Variants in SPATC1L observed in about 807,000 individuals in gnomAD.
The protein encoded by SPATC1L is spermatogenesis and centriole associated 1 like.
Under a neutral mutation model 21.2 loss-of-function variants are expected in SPATC1L, and 20 were observed. That is an observed-to-expected ratio of 0.94 (90% CI 0.66 to 1.37). SPATC1L has a LOEUF of 1.37. Among genes scored for constraint, SPATC1L ranks in the 40% most tolerant of loss-of-function variants. The pLI, the probability that SPATC1L is intolerant of heterozygous loss-of-function variation, is 0.00. For missense variants in SPATC1L, 499 were observed against 478.7 expected (o/e 1.04, Z -0.40); for synonymous variants, 290 against 234.5 (o/e 1.24, Z -2.16).
At chr21:46,163,739 G>GT (rs1450778638) in intron 3 of SPATC1L, among the ~76,000 whole-genome samples, 1 of 152,144 alleles carries the variant, frequency 6.6e-6, no homozygotes, top group African/African-American at 2.4e-5. Flanking sequence ...TTAACTGTAA[G>GT]TTTTATAGTC....
intron 4 of SPATC1L, 62 bp from the exon 5 acceptor site, chr21:46,161,767 GC>G: frequency 6.7e-7 from 1 of 1,492,276 alleles, no homozygotes; most frequent in Non-Finnish European, 8.9e-7. Context: ...GGACTTCCAG[GC>G]CCAGGGCCGA....
intron 2 of SPATC1L, among the ~76,000 whole-genome samples, chr21:46,171,962 AC>A (rs1346570183): frequency 0.011 from 1,373 of 127,478 alleles, 33 homozygotes; most frequent in South Asian, 0.054. Context: ...AAAAAAAAAA[AC>A]CATGGCCAGG....
chr21:46,180,738 G>A (rs911212722), intron 2 of SPATC1L, among the ~76,000 whole-genome samples: 4 of 152,228 alleles, frequency 2.6e-5, no homozygotes, highest in Non-Finnish European at 5.9e-5. Flanking sequence ...TCAAGTGGCA[G>A]AGTTTAGAGG....
At chr21:46,180,253 C>T (rs1008357087) in intron 2 of SPATC1L, among the ~76,000 whole-genome samples, 5 of 152,122 alleles carry the variant, frequency 3.3e-5, no homozygotes, top group African/African-American at 4.8e-5. Flanking sequence ...CGAAATGGAT[C>T]GTTAAGGGGG....
chr21:46,172,700 G>C (rs2079602993), intron 2 of SPATC1L, among the ~76,000 whole-genome samples: 1 of 152,194 alleles, frequency 6.6e-6, no homozygotes. Flanking sequence ...TGGAAGGGCG[G>C]GATGGCCGGC....
chr21:46,166,543 C>T (rs577892226), intron 3 of SPATC1L, among the ~76,000 whole-genome samples: 8 of 151,366 alleles, frequency 5.3e-5, no homozygotes, highest in South Asian at 2.1e-4. Flanking sequence ...AAACACACGT[C>T]GCCTATAAAG....
At position 46,168,602 on chromosome 21, in the gene SPATC1L, A is replaced by C; in HGVS notation, c.250T>G (p.Ser84Ala). 1 of 1,422,556 alleles carries C rather than the reference A, an allele frequency of 7.0e-7. No individual in the cohort carries two copies. 88.1% of individuals were successfully genotyped at this position (1,422,556 alleles called of 1,614,324 possible). The change falls in exon 3 of 5, where the codon TCC (serine) becomes GCC (alanine). Residue 84 changes from serine to alanine, a missense_variant. Transcript: ENST00000291672. ...VADTPSQLQTSSLEDLLCSHA... is the reference protein window; with the variant it reads ...VADTPSQLQTASLEDLLCSHA... Reference sequence around the variant, plus strand: ...GAGCACAGCAGGTCCTCCAGGGAGGATGTCTGCAGTTGGGAGGGCGTGTCG... The same window carrying C: ...GAGCACAGCAGGTCCTCCAGGGAGGCTGTCTGCAGTTGGGAGGGCGTGTCG...
At chr21:46,164,869 C>T (rs1325443631) in intron 3 of SPATC1L, among the ~76,000 whole-genome samples, 2 of 151,510 alleles carry the variant, frequency 1.3e-5, no homozygotes, top group East Asian at 3.9e-4. Flanking sequence ...GAAGAAACAT[C>T]CTATAGAAGA....
chr21:46,168,944 C>T (rs1192780577), intron 2 of SPATC1L, among the ~76,000 whole-genome samples: 1 of 152,202 alleles, frequency 6.6e-6, no homozygotes, highest in South Asian at 2.1e-4. Flanking sequence ...TGCCTGTGTG[C>T]CCACACACAC....
chr21:46,182,610 G>A lies in SPATC1L; in HGVS notation c.193+14C>T, dbSNP rs2079683254. On this transcript the variant is annotated intron_variant, in intron 2 of 4. Coordinates refer to ENST00000291672, the MANE Select transcript of SPATC1L (RefSeq NM_001142854.2). ...CCTCATCTACCAGGCCATCTGAGCTGGGCGGCGCCTCACCTCCGCTCCCGG... is the reference window on the plus strand; with the variant it reads ...CCTCATCTACCAGGCCATCTGAGCTAGGCGGCGCCTCACCTCCGCTCCCGG... 1 of 1,467,038 alleles carries A rather than the reference G, an allele frequency of 6.8e-7. No individual in the cohort carries two copies. Among genetic ancestry groups the A allele is most frequent in the Non-Finnish European group, 9.0e-7 (1 of 1,109,762 alleles). The allele number at this position is 1,467,038 out of a possible 1,614,324, so 90.9% of individuals were successfully genotyped here. A position where few individuals can be genotyped will look rare whatever the true frequency, so the allele number is the denominator to read the frequency against.
chr21:46,169,286 T>A (rs1359073596), intron 2 of SPATC1L, among the ~76,000 whole-genome samples: 3 of 128,734 alleles, frequency 2.3e-5, no homozygotes, highest in Admixed American at 7.7e-5. Flanking sequence ...AGCCCCCTGC[T>A]CTGTGAACAT....
Position 46,161,499 on chromosome 21 carries a change from G to C in SPATC1L, c.903C>G (p.Ala301=), listed in dbSNP as rs747537035. Residue 301 remains alanine, a synonymous_variant, in exon 5 of 5, where the codon GCC becomes GCG. Transcript: ENST00000291672. ...LRANPLHSSP[A]ALRKLVIDVV... ...CGTCGATGACCAGCTTGCGCAGCGC[G>C]GCCGGGCTGCTGTGCAGGGGGTTGG... is the stretch of plus-strand genomic sequence containing the variant. 6.2e-7 allele frequency: 1 copy of C among 1,607,202 alleles called. No homozygotes were observed. Among genetic ancestry groups the C allele is most frequent in the Admixed American group, 1.7e-5 (1 of 59,660 alleles).
chr21:46,179,798 G>A (rs925420149), intron 2 of SPATC1L, among the ~76,000 whole-genome samples: 3 of 152,200 alleles, frequency 2.0e-5, no homozygotes, highest in Non-Finnish European at 4.4e-5. Flanking sequence ...GGACAATCCC[G>A]AGGGAGACGA....
At position 46,168,444 on chromosome 21, in the gene SPATC1L, G is replaced by A; in HGVS notation, c.408C>T (p.Leu136=). The A allele has an allele frequency of 6.2e-7, 1 of 1,607,650 alleles. No homozygotes were observed. Among genetic ancestry groups the A allele is most frequent in the Non-Finnish European group, 8.5e-7 (1 of 1,176,822 alleles). The change falls in exon 3 of 5, where the codon CTC becomes CTT. Residue 136 remains leucine (L), a synonymous_variant. Coordinates refer to ENST00000291672, the MANE Select transcript of SPATC1L (RefSeq NM_001142854.2). The part of the protein sequence containing the change: ...HRGTDRKLSP[L]LSPLQDSLVD... ...CCAGTGAGTCTTGCAAGGGGCTCAG[G>A]AGCGGGGACAGCTTCCTGTCGGTGC... is the stretch of plus-strand genomic sequence containing the variant.
In SPATC1L at chr21:46,161,245, G is replaced by A. The variant is rs912601659; in HGVS notation, c.*134C>T. 9 of 793,636 alleles carry A rather than the reference G, an allele frequency of 1.1e-5. No individual in the cohort carries two copies. The highest frequency in any genetic ancestry group is 1.6e-5 in the Non-Finnish European group (9 of 551,050). The allele number at this position is 793,636 out of a possible 1,614,324, so 49.2% of individuals were successfully genotyped here. A position where few individuals can be genotyped will look rare whatever the true frequency, so the allele number is the denominator to read the frequency against. ...CTGCGGTCGGGGCCCAGCACCGGTG[G>A]GAGCGGGGCCTTCTCTGGCCTCGCG... On this transcript the variant is annotated 3_prime_UTR_variant, in exon 5 of 5. Coordinates refer to ENST00000291672, the MANE Select transcript of SPATC1L (RefSeq NM_001142854.2).
In SPATC1L at chr21:46,182,842, C is replaced by A. The variant is rs2079686859; in HGVS notation, c.-26G>T. The stretch of plus-strand genomic sequence containing the variant: ...GGCGGGTGCGTCCCTCCTTGTCCCT[C>A]ACGGCTCCTGCAGCCCCATGGAGGT... On this transcript the variant is annotated 5_prime_UTR_variant, in exon 2 of 5. It removes the in-frame stop codon of an upstream open reading frame in the 5' UTR. Transcript: ENST00000291672. The A allele has an allele frequency of 3.3e-6, 5 of 1,496,592 alleles. No homozygotes were observed. Among genetic ancestry groups the A allele is most frequent in the Non-Finnish European group, 4.5e-6 (5 of 1,118,948 alleles). The allele number at this position is 1,496,592 out of a possible 1,614,324, so 92.7% of individuals were successfully genotyped here.
At chr21:46,180,094 C>T (rs1020300590) in intron 2 of SPATC1L, among the ~76,000 whole-genome samples, 2 of 152,270 alleles carry the variant, frequency 1.3e-5, no homozygotes, top group Non-Finnish European at 2.9e-5. Context: ...CACAAAGCCA[C>T]AGGGCGCCTG....
chr21:46,164,302 T>C (rs12329667), intron 3 of SPATC1L, among the ~76,000 whole-genome samples: 16,061 of 152,204 alleles, frequency 0.11, 1,484 homozygotes, highest in African/African-American at 0.25. Context: ...TGTGAGCCAC[T>C]GTGCCTGGTC....
chr21:46,172,301 C>T (rs910800637), intron 2 of SPATC1L, among the ~76,000 whole-genome samples: 19 of 151,718 alleles, frequency 1.3e-4, no homozygotes, highest in Admixed American at 3.3e-4. Context: ...GAGCACGAGG[C>T]GGTGGGGTGG....
Sources: allele counts gnomAD v4.1 joint callset (sites outside exome capture counted in the v4.1 genomes callset), GRCh38; gene constraint gnomAD v4.1.1; transcripts MANE v1.5; gene names NCBI Gene and HGNC (gene_info 2026-07-23, HGNC 2026-07-21).